Variants in LTBP1 observed in about 807,000 individuals in gnomAD.
The protein encoded by LTBP1 is latent transforming growth factor beta binding protein 1.
Under a neutral mutation model 207.6 loss-of-function variants are expected in LTBP1, and 129 were observed. That is an observed-to-expected ratio of 0.62 (90% CI 0.54 to 0.72). The LOEUF (loss-of-function observed/expected upper bound fraction) is 0.72. Among genes scored for constraint, LTBP1 ranks in the 30% least tolerant of loss-of-function variants. The pLI, the probability that LTBP1 is intolerant of heterozygous loss-of-function variation, is 0.00. For missense variants in LTBP1, 2,281 were observed against 2,217.2 expected (o/e 1.03, Z -0.58); for synonymous variants, 963 against 833.7 (o/e 1.16, Z -2.67).
chr2:33,197,286 A>G (rs1186665733), intron 7 of LTBP1, among the ~76,000 whole-genome samples: 1 of 152,210 alleles, frequency 6.6e-6, no homozygotes, highest in Non-Finnish European at 1.5e-5. Context: ...TAATTTTGGC[A>G]GAGTTAGGTT....
At chr2:33,036,844 C>A (rs1161531061) in intron 3 of LTBP1, among the ~76,000 whole-genome samples, 1 of 151,788 alleles carries the variant, frequency 6.6e-6, no homozygotes, top group South Asian at 2.1e-4. Context: ...AAAATGCTTC[C>A]CTCATATTAA....
At chr2:33,170,531 C>G (rs1423072388) in intron 5 of LTBP1, among the ~76,000 whole-genome samples, 1 of 151,774 alleles carries the variant, frequency 6.6e-6, no homozygotes, top group Non-Finnish European at 1.5e-5. Flanking sequence ...CCCACCACAG[C>G]TCAAGGAGGC....
chr2:32,987,992 C>T (rs74482308), intron 2 of LTBP1, among the ~76,000 whole-genome samples: 5,958 of 152,214 alleles, frequency 0.039, 190 homozygotes, highest in Non-Finnish European at 0.066. Context: ...TTGATGTACC[C>T]ACAGAGGTGG....
In LTBP1 at chr2:33,197,271, G is replaced by A. The variant is rs535649699; in HGVS notation, c.1701+8420G>A. Among the ~76,000 whole-genome samples, 229 of 152,240 alleles carry A rather than the reference G, an allele frequency of 1.5e-3. 1 individual carries two copies. Among genetic ancestry groups the A allele is most frequent in the Non-Finnish European group, 2.0e-3 (136 of 68,022 alleles). Reference sequence around the variant, plus strand: ...TAAATCAAGTATGAAGTAGTTGGCCGGTCCTAATTTTGGCAGAGTTAGGTT... The same window carrying A: ...TAAATCAAGTATGAAGTAGTTGGCCAGTCCTAATTTTGGCAGAGTTAGGTT... On this transcript the variant is annotated intron_variant, in intron 7 of 33. Transcript: ENST00000404816.
chr2:33,141,176 C>G (rs62133337), intron 5 of LTBP1, among the ~76,000 whole-genome samples: 2,012 of 152,264 alleles, frequency 0.013, 23 homozygotes, highest in Middle Eastern at 0.02. Flanking sequence ...GATGCTAAGT[C>G]AAATAAACCA....
intron 5 of LTBP1, among the ~76,000 whole-genome samples, chr2:33,168,694 A>C (rs1017037698): frequency 2.0e-5 from 3 of 152,058 alleles, no homozygotes; most frequent in Non-Finnish European, 4.4e-5. Flanking sequence ...AGAAAAAAAA[A>C]AGGCATCAGG....
At chr2:33,149,071 T>C (rs1176702663) in intron 5 of LTBP1, among the ~76,000 whole-genome samples, 2 of 151,530 alleles carry the variant, frequency 1.3e-5, no homozygotes, top group South Asian at 2.1e-4. Context: ...AAAAATTAGC[T>C]GGGCGTGGTG....
chr2:33,035,470 G>A (rs905227500), intron 3 of LTBP1, among the ~76,000 whole-genome samples: 4 of 152,320 alleles, frequency 2.6e-5, no homozygotes, highest in African/African-American at 9.6e-5. Flanking sequence ...ATCCGGAAAA[G>A]AGAGCAAGCT....
At chr2:33,025,532 C>G (rs990332941) in intron 3 of LTBP1, among the ~76,000 whole-genome samples, 2 of 152,120 alleles carry the variant, frequency 1.3e-5, no homozygotes, top group African/African-American at 4.8e-5. Context: ...ATGTTTCTAT[C>G]CTGTTTCAAA....
At chr2:33,119,981 T>G (rs1395543818) in intron 4 of LTBP1, among the ~76,000 whole-genome samples, 2 of 152,242 alleles carry the variant, frequency 1.3e-5, no homozygotes, top group Non-Finnish European at 2.9e-5. Context: ...CTACTCTGGC[T>G]GCCCTAATTT....
Position 33,252,745 on chromosome 2 carries a change from A to G in LTBP1, c.2068A>G (p.Met690Val), listed in dbSNP as rs746054669. Residue 690 changes from methionine (M) to valine (V), a missense_variant, in exon 11 of 34, where the codon ATG (methionine) becomes GTG (valine). Coordinates refer to ENST00000404816, the MANE Select transcript of LTBP1 (RefSeq NM_206943.4). ...YRLVSSGRQC[M>V]HPLSVHLTKQ... ...ACTTGTCAGTTCTGGAAGACAGTGT[A>G]TGCACCCTCTGTCTGTTCACCTCAC... The G allele has an allele frequency of 1.3e-5, 21 of 1,613,800 alleles. No homozygotes were observed. The East Asian group carries it at 3.1e-4, about 24-fold the overall frequency.
intron 18 of LTBP1, among the ~76,000 whole-genome samples, chr2:33,277,696 CATTT>C (rs1392091339): frequency 6.6e-6 from 1 of 151,558 alleles, no homozygotes; most frequent in African/African-American, 2.4e-5. Context: ...ATTTGACAAG[CATTT>C]ATGTGCAGAG....
At chr2:33,140,238 A>G (rs1286847846) in intron 5 of LTBP1, among the ~76,000 whole-genome samples, 1 of 152,062 alleles carries the variant, frequency 6.6e-6, no homozygotes, top group Non-Finnish European at 1.5e-5. Context: ...AGGGAAGAAA[A>G]TTTTCTCTCG....
chr2:33,022,158 T>G (rs2075201976), intron 3 of LTBP1, among the ~76,000 whole-genome samples: 1 of 152,172 alleles, frequency 6.6e-6, no homozygotes, highest in Non-Finnish European at 1.5e-5. Flanking sequence ...ATTCAGTCTG[T>G]TGCTATAGAT....
intron 4 of LTBP1, among the ~76,000 whole-genome samples, chr2:33,120,289 G>C (rs960721647): frequency 6.6e-6 from 1 of 151,280 alleles, no homozygotes; most frequent in African/African-American, 2.4e-5. Flanking sequence ...CATCACCCAG[G>C]TATTAAGCCC....
At chr2:32,965,262 C>T (rs896238499) in intron 2 of LTBP1, among the ~76,000 whole-genome samples, 1 of 151,978 alleles carries the variant, frequency 6.6e-6, no homozygotes, top group Non-Finnish European at 1.5e-5. Context: ...TACCTTTGAC[C>T]CCACATACAC....
At chr2:33,243,006 C>T (rs1319516514) in intron 9 of LTBP1, among the ~76,000 whole-genome samples, 3 of 152,154 alleles carry the variant, frequency 2.0e-5, no homozygotes, top group African/African-American at 4.8e-5. Flanking sequence ...TGGTTTGACT[C>T]ATCATTTCCT....
intron 3 of LTBP1, among the ~76,000 whole-genome samples, chr2:33,072,929 T>C (rs183229423): frequency 6.6e-6 from 1 of 152,206 alleles, no homozygotes; most frequent in Non-Finnish European, 1.5e-5. Flanking sequence ...TATGTACTCC[T>C]GTCATGTGTC....
At chr2:32,953,712 C>T (rs916367452) in intron 2 of LTBP1, among the ~76,000 whole-genome samples, 14 of 152,278 alleles carry the variant, frequency 9.2e-5, no homozygotes, top group Middle Eastern at 6.8e-3. Flanking sequence ...CCCAGTGAAC[C>T]CTGGGCCCTT....
Sources: gnomAD v4.1 joint callset for allele counts (sites outside exome capture counted in the v4.1 genomes callset) on GRCh38, gnomAD v4.1.1 for gene constraint, MANE v1.5 for transcripts, NCBI Gene and HGNC (gene_info 2026-07-23, HGNC 2026-07-21) for gene names.